Variants in BTBD9 observed in about 807,000 individuals in gnomAD.
BTBD9 encodes BTB domain containing 9, also known as BTB/POZ domain-containing protein 9.
BTBD9 carries 49 observed loss-of-function variants against 64.3 expected under a neutral mutation model. That is an observed-to-expected ratio of 0.76 (90% CI 0.61 to 0.97). The LOEUF is 0.97. Ranked by LOEUF, BTBD9 falls within the 50% of genes least tolerant of loss-of-function variation. The pLI, the probability that BTBD9 is intolerant of heterozygous loss-of-function variation, is 0.00. For missense variants in BTBD9, 598 were observed against 762.1 expected, an observed-to-expected ratio of 0.78 and a Z score of 2.53; for synonymous variants, 260 against 274.7, an observed-to-expected ratio of 0.95 and a Z score of 0.53.
intron 6 of BTBD9, among the ~76,000 whole-genome samples, chr6:38,388,247 T>C (rs2127620241): frequency 6.6e-6 from 1 of 152,204 alleles, no homozygotes; most frequent in Admixed American, 6.5e-5. Context: ...GTCTACTTTA[T>C]TACAACAGCT....
chr6:38,635,011 A>G (rs1045823347), intron 1 of BTBD9, among the ~76,000 whole-genome samples: 6 of 152,202 alleles, frequency 3.9e-5, no homozygotes, highest in African/African-American at 1.4e-4. Context: ...TAACAGCACC[A>G]TCAGCATCAC....
At chr6:38,417,365 A>G (rs919644976) in intron 6 of BTBD9, among the ~76,000 whole-genome samples, 6 of 152,234 alleles carry the variant, frequency 3.9e-5, no homozygotes, top group Non-Finnish European at 8.8e-5. Context: ...TATTGCACTT[A>G]TCTAATTCAC....
At chr6:38,337,112 GC>G (rs2127585477) in intron 7 of BTBD9, among the ~76,000 whole-genome samples, 1 of 152,282 alleles carries the variant, frequency 6.6e-6, no homozygotes, top group Admixed American at 6.5e-5. Flanking sequence ...GGCCCTTAAG[GC>G]CCCTCTGCCA....
At chr6:38,560,410 G>C (rs1775214628) in intron 6 of BTBD9, among the ~76,000 whole-genome samples, 2 of 152,026 alleles carry the variant, frequency 1.3e-5, no homozygotes, top group African/African-American at 2.4e-5. Flanking sequence ...TTTTTGACTT[G>C]TCAGAAATCG....
chr6:38,529,079 A>G (rs1049408332), intron 6 of BTBD9, among the ~76,000 whole-genome samples: 2 of 152,064 alleles, frequency 1.3e-5, no homozygotes, highest in Non-Finnish European at 2.9e-5. Flanking sequence ...GAGACTCAGG[A>G]CTGGCAGCAT....
chr6:38,363,747 ATAT>A (rs1765072064), intron 6 of BTBD9, among the ~76,000 whole-genome samples: 1 of 152,212 alleles, frequency 6.6e-6, no homozygotes, highest in African/African-American at 2.4e-5. Context: ...TTTGAGAGGC[ATAT>A]TACTGGGAGT....
intron 6 of BTBD9, among the ~76,000 whole-genome samples, chr6:38,432,368 G>A (rs968371845): frequency 2.0e-5 from 3 of 151,910 alleles, no homozygotes; most frequent in African/African-American, 4.9e-5. Flanking sequence ...ATTCCTGAGC[G>A]GGAGGAATTT....
At chr6:38,486,476 T>C (rs949620570) in intron 6 of BTBD9, among the ~76,000 whole-genome samples, 4 of 152,174 alleles carry the variant, frequency 2.6e-5, no homozygotes, top group African/African-American at 9.7e-5. Flanking sequence ...CTTCAACACT[T>C]AAAGAGACTA....
Position 38,210,536 on chromosome 6 carries a change from T to TTGTGTGTGTGTGTGTGTG in BTBD9, c.1563-17957_1563-17940dup, listed in dbSNP as rs71542165. 3.4e-4 allele frequency among the ~76,000 whole-genome samples: 50 copies of TTGTGTGTGTGTGTGTGTG among 146,454 alleles called. 1 individual carries two copies. The highest frequency in any genetic ancestry group is 1.2e-3 in the African/African-American group (49 of 39,246). ...AGTGGTGGTGGGAGAGTGCGTGTGT[T>TTGTGTGTGTGTGTGTGTG]TGTGTGTGTGTGTGTGTGTGTGTGT... On this transcript the variant is annotated intron_variant, in intron 9 of 10. Coordinates refer to ENST00000481247, the MANE Select transcript of BTBD9 (RefSeq NM_001099272.2).
intron 4 of BTBD9, chr6:38,588,359 C>G: frequency 2.3e-6 from 2 of 870,490 alleles, no homozygotes; most frequent in Admixed American, 1.7e-5. Context: ...TATACTGTGG[C>G]CCCTGCCTCT....
In BTBD9 at chr6:38,580,283, C is replaced by A. The variant is rs1185999503; in HGVS notation, c.969G>T (p.Glu323Asp). ...TAATGGATGGCTGACCTAGCTTAAT[C>A]TCGATGCCGGAACGGCAGTCATCAT... ...PIDDDCRSGI[E>D]IKLGQPSIIN... Residue 323 changes from glutamate to aspartate, a missense_variant, in exon 5 of 11, where the codon GAG (glutamate) becomes GAT (aspartate). By Grantham distance (45) the Glu-to-Asp change is conservative. Coordinates refer to ENST00000481247, the MANE Select transcript of BTBD9 (RefSeq NM_001099272.2). 3 of 1,614,196 alleles carry A rather than the reference C, an allele frequency of 1.9e-6. No individual in the cohort carries two copies. Among genetic ancestry groups the A allele is most frequent in the Non-Finnish European group, 2.5e-6 (3 of 1,180,044 alleles).
intron 6 of BTBD9, among the ~76,000 whole-genome samples, chr6:38,364,633 T>G (rs568388653): frequency 1.3e-5 from 2 of 152,234 alleles, no homozygotes; most frequent in African/African-American, 4.8e-5. Context: ...ATAGCCCATG[T>G]TACCTTAGCT....
At chr6:38,606,642 G>C (rs757362624) in intron 1 of BTBD9, among the ~76,000 whole-genome samples, 25 of 152,064 alleles carry the variant, frequency 1.6e-4, no homozygotes, top group Non-Finnish European at 3.7e-4. Context: ...TTAGAATCTG[G>C]TAACAAATTA....
At chr6:38,609,482 A>T (rs1777539702) in intron 1 of BTBD9, among the ~76,000 whole-genome samples, 1 of 152,246 alleles carries the variant, frequency 6.6e-6, no homozygotes, top group Admixed American at 6.5e-5. Context: ...CAAACCCCCA[A>T]GAATAAGCAA....
chr6:38,488,410 AG>A (rs1367678040), intron 6 of BTBD9, among the ~76,000 whole-genome samples: 2 of 152,222 alleles, frequency 1.3e-5, no homozygotes, highest in Non-Finnish European at 2.9e-5. Flanking sequence ...AGAATTATCC[AG>A]GTTTAGAGCT....
Position 38,595,077 on chromosome 6 carries a change from T to G in BTBD9, c.186-750A>C, listed in dbSNP as rs1411437502. Among the ~76,000 whole-genome samples the G allele has an allele frequency of 4.6e-5, 7 of 152,370 alleles. No homozygotes were observed. In the East Asian group the frequency reaches 9.6e-4, roughly 21 times the overall value. On this transcript the variant is annotated intron_variant, in intron 2 of 10. Transcript: ENST00000481247. ...CAAGGGAGATCAACAGGTACTGTTT[T>G]GAAAACATGTCCAGGATATGGTAGG...
chr6:38,239,117 G>C (rs1582097224), intron 9 of BTBD9, among the ~76,000 whole-genome samples: 1 of 152,090 alleles, frequency 6.6e-6, no homozygotes, highest in African/African-American at 2.4e-5. Flanking sequence ...GTCATCTAGT[G>C]CAAGTTCACT....
At chr6:38,183,684 C>T (rs1372115184) in intron 10 of BTBD9, among the ~76,000 whole-genome samples, 2 of 152,220 alleles carry the variant, frequency 1.3e-5, no homozygotes, top group Non-Finnish European at 2.9e-5. Context: ...CACTGCCTCT[C>T]CCCCAGCCTA....
chr6:38,555,360 C>T (rs556734094), intron 6 of BTBD9, among the ~76,000 whole-genome samples: 4 of 152,184 alleles, frequency 2.6e-5, no homozygotes, highest in African/African-American at 9.6e-5. Context: ...TCCAGAACAA[C>T]AATTACCTGA....
Sources: gnomAD v4.1 joint callset for allele counts (sites outside exome capture counted in the v4.1 genomes callset) on GRCh38, gnomAD v4.1.1 for gene constraint, MANE v1.5 for transcripts, NCBI Gene and HGNC (gene_info 2026-07-23, HGNC 2026-07-21) for gene names.